The following SNX27 variants were observed in gnomAD, a reference collection of about 807,000 sequenced individuals.
SNX27 encodes sorting nexin 27, also known as sorting nexin-27.
SNX27 carries 22 observed loss-of-function variants against 71.6 expected under a neutral mutation model. The ratio of observed to expected loss-of-function variants is 0.31; its 90% CI spans 0.22 to 0.44. SNX27 has a LOEUF of 0.44. Among genes scored for constraint, SNX27 ranks in the 20% least tolerant of loss-of-function variants. The probability of loss-of-function intolerance (pLI) is 1.00; values close to 1 mark genes in which losing one functional copy is unlikely to be tolerated. For missense variants in SNX27, 531 were observed against 698.6 expected, an observed-to-expected ratio of 0.76 and a Z score of 2.70; for synonymous variants, 269 against 277.2, an observed-to-expected ratio of 0.97 and a Z score of 0.29.
At chr1:151,621,462 C>CT (rs542059253) in intron 1 of SNX27, among the ~76,000 whole-genome samples, 6 of 152,168 alleles carry the variant, frequency 3.9e-5, no homozygotes, top group Non-Finnish European at 7.4e-5. Context: ...CTGTCTGAAA[C>CT]TTTTTAGATT....
intron 7 of SNX27, chr1:151,678,292 A>C (rs938648471): frequency 1.3e-5 from 2 of 152,074 alleles, no homozygotes; most frequent in Non-Finnish European, 2.9e-5. Flanking sequence ...CTACCATTCT[A>C]CTTTTTGTTT....
At chr1:151,678,251 C>G (rs1320371144) in intron 7 of SNX27, 1 of 152,180 alleles carries the variant, frequency 6.6e-6, no homozygotes, top group African/African-American at 2.4e-5. Flanking sequence ...ACCCATCAAA[C>G]AACTCCCCGT....
At chr1:151,627,331 C>A (rs143586418) in intron 1 of SNX27, among the ~76,000 whole-genome samples, 1 of 152,160 alleles carries the variant, frequency 6.6e-6, no homozygotes, top group African/African-American at 2.4e-5. Context: ...GAATTGTTAA[C>A]GAGTACCCTC....
chr1:151,623,635 A>G (rs1439701119), intron 1 of SNX27, among the ~76,000 whole-genome samples: 1 of 151,082 alleles, frequency 6.6e-6, no homozygotes, highest in Non-Finnish European at 1.5e-5. Context: ...TGTGGATTCA[A>G]ATGATCCTCC....
rs57260474 is a variant in SNX27 at position 151,675,810 on chromosome 1, C to CTTTTTTTTTTTTTTTTTTTTTTTTTTTTT, written c.1149+7182_1149+7210dup. 2 of 31,464 alleles carry CTTTTTTTTTTTTTTTTTTTTTTTTTTTTT rather than the reference C, an allele frequency of 6.4e-5. 1 individual carries two copies. Among genetic ancestry groups the CTTTTTTTTTTTTTTTTTTTTTTTTTTTTT allele is most frequent in the Non-Finnish European group, 1.2e-4 (2 of 16,758 alleles). The allele number at this position is 31,464 out of a possible 1,614,324, so 1.9% of individuals were successfully genotyped here. On this transcript the variant is annotated intron_variant, in intron 7 of 11. Transcript: ENST00000458013. ...CCCTCCCTTCCTTCTTTCTTTCTTT[C>CTTTTTTTTTTTTTTTTTTTTTTTTTTTTT]TTTTTTTTTTTTTTTTTTTTTTTTT...
Position 151,693,484 on chromosome 1 carries a change from G to GTA in SNX27, c.1578+2_1578+3dup, listed in dbSNP as rs779581923. On this transcript the variant is annotated splice_donor_variant, in intron 11 of 11. Transcript: ENST00000458013. LOFTEE classifies it high-confidence loss of function. ...CTGCGAGCTCAAGTGGAGAAAAGAG[G>GTA]TAATTCTGAACAGTCCTTGAATTGA... The GTA allele has an allele frequency of 2.4e-5, 39 of 1,614,122 alleles. No individual in the cohort carries two copies. Among genetic ancestry groups the GTA allele is most frequent in the South Asian group, 2.3e-4 (21 of 91,074 alleles).
chr1:151,652,229 A>ACCGT (rs1196168799), intron 2 of SNX27, among the ~76,000 whole-genome samples: 1 of 90,082 alleles, frequency 1.1e-5, no homozygotes, highest in African/African-American at 4.1e-5. Context: ...GGAGAGGGAG[A>ACCGT]GGGAGAGGGA....
At chr1:151,648,959 T>TTTTA (rs890135937) in intron 2 of SNX27, among the ~76,000 whole-genome samples, 7 of 152,012 alleles carry the variant, frequency 4.6e-5, no homozygotes, top group African/African-American at 7.2e-5. Flanking sequence ...TTCTTTTTCT[T>TTTTA]TTTATTTATT....
chr1:151,632,139 C>A (rs1389130365), intron 1 of SNX27, among the ~76,000 whole-genome samples: 1 of 150,566 alleles, frequency 6.6e-6, no homozygotes, highest in Admixed American at 6.6e-5. Flanking sequence ...TCTGACTTAA[C>A]TTTATAATTT....
intron 11 of SNX27, chr1:151,693,854 C>T (rs181343880): frequency 3.5e-6 from 5 of 1,422,410 alleles, no homozygotes; most frequent in Admixed American, 5.8e-5. Flanking sequence ...TGGATGAGTC[C>T]TGGCAGTCTT....
At chr1:151,653,782 A>G (rs1267480226) in intron 2 of SNX27, among the ~76,000 whole-genome samples, 1 of 151,730 alleles carries the variant, frequency 6.6e-6, no homozygotes, top group East Asian at 1.9e-4. Context: ...TGGCCTCCCA[A>G]AGTGCTGGGA....
chr1:151,657,539 A>G (rs1360762218), intron 2 of SNX27, among the ~76,000 whole-genome samples: 1 of 152,162 alleles, frequency 6.6e-6, no homozygotes, highest in Non-Finnish European at 1.5e-5. Flanking sequence ...ACACACGAGT[A>G]TCAGTTACAT....
At chr1:151,613,182 A>T (rs1667271463) in intron 1 of SNX27, 1 of 151,014 alleles carries the variant, frequency 6.6e-6, no homozygotes, top group African/African-American at 2.4e-5. Context: ...TTCTACTCCA[A>T]GAGTTTACCT....
chr1:151,691,445 G>A (rs1671436567), intron 8 of SNX27, among the ~76,000 whole-genome samples: 1 of 149,588 alleles, frequency 6.7e-6, no homozygotes, highest in Non-Finnish European at 1.5e-5. Context: ...GTTTTCATCT[G>A]TGTATCTTTT....
intron 8 of SNX27, among the ~76,000 whole-genome samples, chr1:151,687,557 C>T (rs1671235418): frequency 6.6e-6 from 1 of 152,126 alleles, no homozygotes; most frequent in Admixed American, 6.5e-5. Context: ...CCTGGTTTGA[C>T]CCTTAGCAGG....
At chr1:151,644,407 T>G (rs978371589) in intron 2 of SNX27, among the ~76,000 whole-genome samples, 4 of 152,222 alleles carry the variant, frequency 2.6e-5, no homozygotes, top group Admixed American at 1.3e-4. Flanking sequence ...GTAACTGGCT[T>G]CTTTCACTCA....
At chr1:151,694,113 T>G (rs1314568965) in intron 11 of SNX27, 2 of 1,270,196 alleles carry the variant, frequency 1.6e-6, no homozygotes, top group African/African-American at 3.1e-5. Flanking sequence ...TTTCCCTCTG[T>G]GTAATTTTGG....
In SNX27 at chr1:151,683,442, C is replaced by T. The variant is rs1476727417; in HGVS notation, c.1236C>T (p.Val412=). The change falls in exon 8 of 12, where the codon GTC becomes GTT. Residue 412 remains valine (V), a synonymous_variant. Coordinates refer to ENST00000458013, the MANE Select transcript of SNX27 (RefSeq NM_001330723.2). ...AGCTATACGAACAAAGAAAAATGGT[C>T]ATGGTAAGTTTATGTCCCCATAATC... ...LQKLYEQRKM[V]MYLNMLRTCE... 1.9e-6 allele frequency: 3 copies of T among 1,611,810 alleles called. No individual in the cohort carries two copies. The highest frequency in any genetic ancestry group is 2.5e-6 in the Non-Finnish European group (3 of 1,178,706).
intron 1 of SNX27, among the ~76,000 whole-genome samples, chr1:151,635,416 A>G (rs1668420879): frequency 6.6e-6 from 1 of 152,204 alleles, no homozygotes; most frequent in Non-Finnish European, 1.5e-5. Flanking sequence ...CCATACTTTG[A>G]ACCTGAAGTC....
Sources: gnomAD v4.1 joint callset for allele counts (sites outside exome capture counted in the v4.1 genomes callset) on GRCh38, gnomAD v4.1.1 for gene constraint, MANE v1.5 for transcripts, NCBI Gene and HGNC (gene_info 2026-07-23, HGNC 2026-07-21) for gene names.